The following TBPL2 variants were observed in gnomAD, a reference collection of about 807,000 sequenced individuals.
TBPL2 encodes TATA box-binding protein-like 2.
In TBPL2, 40 loss-of-function variants were observed where a neutral mutation model predicts 38.2. The ratio of observed to expected loss-of-function variants is 1.05; its 90% CI spans 0.81 to 1.36. The LOEUF is 1.36. TBPL2 is among the 40% of genes most tolerant of loss of function. TBPL2 has a pLI of 0.00. For synonymous variants in TBPL2, 169 were observed against 171.7 expected, an observed-to-expected ratio of 0.98 and a Z score of 0.12; for missense variants, 461 against 456.7, an observed-to-expected ratio of 1.01 and a Z score of -0.09.
chr14:55,437,878 T>G (rs1886041022), intron 1 of TBPL2, among the ~76,000 whole-genome samples: 1 of 152,224 alleles, frequency 6.6e-6, no homozygotes, highest in African/African-American at 2.4e-5. Flanking sequence ...TAGAAGAATT[T>G]ACACTAGGAA....
At chr14:55,427,254 G>C (rs1204764768) in intron 5 of TBPL2, among the ~76,000 whole-genome samples, 1 of 135,286 alleles carries the variant, frequency 7.4e-6, no homozygotes, top group African/African-American at 3.4e-5. Context: ...TTAAAAAATG[G>C]GGTATATTTA....
intron 4 of TBPL2, among the ~76,000 whole-genome samples, chr14:55,429,583 A>T (rs1300960456): frequency 6.6e-6 from 1 of 152,042 alleles, no homozygotes; most frequent in Non-Finnish European, 1.5e-5. Flanking sequence ...GGCCAACATG[A>T]TGAAACGCTG....
intron 3 of TBPL2, among the ~76,000 whole-genome samples, chr14:55,435,212 G>A (rs995161938): frequency 1.3e-5 from 2 of 152,040 alleles, no homozygotes; most frequent in Non-Finnish European, 2.9e-5. Context: ...GACAACATTT[G>A]GCAAAAATTA....
At chr14:55,433,593 G>A in intron 4 of TBPL2, 37 bp downstream of exon 4, 1 of 1,568,776 alleles carries the variant, frequency 6.4e-7, no homozygotes, top group Non-Finnish European at 8.8e-7. Context: ...ATACTAAATT[G>A]TTTCTCTGGT....
intron 5 of TBPL2, among the ~76,000 whole-genome samples, chr14:55,425,578 G>A (rs1885808972): frequency 6.6e-6 from 1 of 152,174 alleles, no homozygotes; most frequent in South Asian, 2.1e-4. Context: ...GGCAGAGAAA[G>A]AGAGTGGTTT....
In TBPL2 at chr14:55,427,796, A is replaced by G. The variant is rs1885849681; in HGVS notation, c.956+1011T>C. Among the ~76,000 whole-genome samples the G allele has an allele frequency of 2.6e-5, 4 of 152,090 alleles. 1 individual carries two copies. The South Asian group carries it at 8.3e-4, about 32-fold the overall frequency. Reference sequence around the variant, plus strand: ...AGATATTCCCTAGGAAAAGGAATATACTACAGGCAACATTGTGTTGCGGGC... The same window carrying G: ...AGATATTCCCTAGGAAAAGGAATATGCTACAGGCAACATTGTGTTGCGGGC... On this transcript the variant is annotated intron_variant, in intron 5 of 6. Coordinates refer to ENST00000247219, the Ensembl canonical transcript of TBPL2.
intron 6 of TBPL2, among the ~76,000 whole-genome samples, chr14:55,421,185 A>C (rs1885739350): frequency 6.6e-6 from 1 of 152,212 alleles, no homozygotes; most frequent in Non-Finnish European, 1.5e-5. Flanking sequence ...ACTTTTAATA[A>C]GATTTATTTG....
intron 6 of TBPL2, among the ~76,000 whole-genome samples, chr14:55,414,824 A>C (rs1030339790): frequency 6.6e-6 from 1 of 152,236 alleles, no homozygotes; most frequent in African/African-American, 2.4e-5. Flanking sequence ...CGTCCTCTCT[A>C]GTTAACATCT....
exon 5 of TBPL2, chr14:55,428,893 A>C (rs746687583): frequency 3.1e-6 from 5 of 1,614,220 alleles, no homozygotes; most frequent in Non-Finnish European, 4.2e-6. Context: ...TCTGAATTTT[A>C]AAATCGAGGA....
rs1396481999 is a variant in TBPL2 at position 55,436,655 on chromosome 14, T to A, written c.514A>T (p.Lys172Ter). The A allele has an allele frequency of 6.2e-7, 1 of 1,614,204 alleles. No individual in the cohort carries two copies. Among genetic ancestry groups the A allele is most frequent in the Non-Finnish European group, 8.5e-7 (1 of 1,180,036 alleles). Residue 172 changes from lysine to a stop codon, truncating the protein, a stop_gained, in exon 2 of 7, where the codon AAA (lysine) becomes TAA (stop). Coordinates refer to ENST00000247219, the Ensembl canonical transcript of TBPL2. LOFTEE classifies it high-confidence loss of function. ...AGAGACAAGGAGTCGGAGTTTGGTT[T>A]CTCAGGAGAGGGCTGGACTGAGTCA...
chr14:55,417,993 C>G (rs1217132305), intron 6 of TBPL2, among the ~76,000 whole-genome samples: 4 of 152,144 alleles, frequency 2.6e-5, no homozygotes, highest in African/African-American at 9.7e-5. Flanking sequence ...AATAAACCTT[C>G]TTGTAGAGTT....
intron 2 of TBPL2, 39 bp from the exon 3 acceptor site, chr14:55,435,973 T>C (rs1555344570): frequency 8.8e-7 from 1 of 1,133,846 alleles, no homozygotes; most frequent in Non-Finnish European, 1.2e-6. Context: ...ATATCAGATA[T>C]AAAGAGTAAA....
chr14:55,425,172 T>G (rs889758875), intron 5 of TBPL2, among the ~76,000 whole-genome samples: 4 of 152,214 alleles, frequency 2.6e-5, no homozygotes, highest in African/African-American at 9.6e-5. Flanking sequence ...AAGTGAGTCT[T>G]GCCCATCTCA....
At chr14:55,435,376 A>G (rs1325378062) in intron 3 of TBPL2, among the ~76,000 whole-genome samples, 1 of 151,404 alleles carries the variant, frequency 6.6e-6, no homozygotes, top group African/African-American at 2.4e-5. Context: ...CCTGGGTTCA[A>G]GTGATTCTCC....
chr14:55,440,351 G>A, intron 1 of TBPL2, 45 bp downstream of exon 1: 2 of 1,610,854 alleles, frequency 1.2e-6, no homozygotes, highest in Non-Finnish European at 1.7e-6. Flanking sequence ...CACAGGACCG[G>A]GCGGGACTTG....
intron 5 of TBPL2, among the ~76,000 whole-genome samples, chr14:55,428,028 G>GC (rs35805716): frequency 0.28 from 41,084 of 145,388 alleles, 7,437 homozygotes; most frequent in African/African-American, 0.53. Flanking sequence ...ACGTGCTACA[G>GC]CATTCTTTTT....
chr14:55,417,094 C>G (rs749262314), intron 6 of TBPL2, among the ~76,000 whole-genome samples: 1 of 152,190 alleles, frequency 6.6e-6, no homozygotes, highest in African/African-American at 2.4e-5. Context: ...ATCATTATAT[C>G]ATAGAGAAAC....
At chr14:55,424,655 G>A (rs948610627) in intron 5 of TBPL2, among the ~76,000 whole-genome samples, 5 of 152,102 alleles carry the variant, frequency 3.3e-5, no homozygotes, top group African/African-American at 1.2e-4. Flanking sequence ...ATGCTTTTAC[G>A]AACTGCTGAA....
At chr14:55,433,461 T>C (rs1885964797) in intron 4 of TBPL2, among the ~76,000 whole-genome samples, 169 bp downstream of exon 4, 1 of 152,078 alleles carries the variant, frequency 6.6e-6, no homozygotes, top group South Asian at 2.1e-4. Context: ...CCCAAGTCAG[T>C]ATTTATAGGA....
Sources: allele counts gnomAD v4.1 joint callset (sites outside exome capture counted in the v4.1 genomes callset), GRCh38; gene constraint gnomAD v4.1.1; transcripts MANE v1.5; gene names NCBI Gene and HGNC (gene_info 2026-07-23, HGNC 2026-07-21).